PISD: variants seen among roughly 807,000 people sequenced by gnomAD.
The protein encoded by PISD is phosphatidylserine decarboxylase.
PISD carries 31 observed loss-of-function variants against 43.5 expected under a neutral mutation model. The observed-to-expected ratio is 0.71, with a 90% CI of 0.54 to 0.96. The LOEUF is 0.96. Ranked by LOEUF, PISD falls within the 40% of genes least tolerant of loss-of-function variation. The pLI is 0.00. For missense variants in PISD, 523 were observed against 548.4 expected, an observed-to-expected ratio of 0.95 and a Z score of 0.46; for synonymous variants, 259 against 228.7, an observed-to-expected ratio of 1.13 and a Z score of -1.20.
In PISD at chr22:31,618,553, T is replaced by C; in HGVS notation, c.*1059A>G. 1 of 892,584 alleles carries C rather than the reference T, an allele frequency of 1.1e-6. No homozygotes were observed. Among genetic ancestry groups the C allele is most frequent in the Non-Finnish European group, 1.6e-6 (1 of 637,080 alleles). The allele number at this position is 892,584 out of a possible 1,614,324, so 55.3% of individuals were successfully genotyped here. On this transcript the variant is annotated 3_prime_UTR_variant, in exon 8 of 8. Transcript: ENST00000439502. Reference sequence around the variant, plus strand: ...AATTAAATGAATTACTGTTCAGAAGTCTCCCACTTTTCATACAAAAATACT... The same window carrying C: ...AATTAAATGAATTACTGTTCAGAAGCCTCCCACTTTTCATACAAAAATACT...
chr22:31,625,059 A>C (rs2072825779), intron 3 of PISD, among the ~76,000 whole-genome samples: 2 of 152,210 alleles, frequency 1.3e-5, no homozygotes, highest in African/African-American at 4.8e-5. Flanking sequence ...GCATTTAGCT[A>C]ATCTACGGCT....
In PISD at chr22:31,630,642, C is replaced by A. The variant is rs1603402347; in HGVS notation, c.322-8757G>T. Reference sequence around the variant, plus strand: ...ACCTTGTCCGCGGGGCTCCTCAGGCCGGGGCCGCGTCGTCACAGCTGGGAG... The same window carrying A: ...ACCTTGTCCGCGGGGCTCCTCAGGCAGGGGCCGCGTCGTCACAGCTGGGAG... On this transcript the variant is annotated intron_variant, in intron 3 of 7. Transcript: ENST00000439502. This position sits in a 1 kb window ranked among gnomAD's most constrained non-coding sequence, Gnocchi z 4.4. 4 of 834,620 alleles carry A rather than the reference C, an allele frequency of 4.8e-6. No individual in the cohort carries two copies. The highest frequency in any genetic ancestry group is 5.8e-6 in the Non-Finnish European group (4 of 692,158). The allele number at this position is 834,620 out of a possible 1,614,324, so 51.7% of individuals were successfully genotyped here.
Position 31,619,419 on chromosome 22 carries a change from A to AC in PISD, c.*192_*193insG. On this transcript the variant is annotated 3_prime_UTR_variant, in exon 8 of 8. Transcript: ENST00000439502. ...GGAACGGGATAGGTTGAGGGGCATG[A>AC]TGGGGGCTCTCGCCACCTCTTGTCT... is the stretch of plus-strand genomic sequence containing the variant. 1.5e-6 allele frequency: 1 copy of AC among 680,550 alleles called. No individual in the cohort carries two copies. The highest frequency in any genetic ancestry group is 2.0e-5 in the Admixed American group (1 of 49,196). 42.2% of individuals were successfully genotyped at this position (680,550 alleles called of 1,614,324 possible).
intron 3 of PISD, chr22:31,638,512 CAG>C (rs1480938827): frequency 1.0e-6 from 1 of 985,406 alleles, no homozygotes; most frequent in Non-Finnish European, 1.2e-6. Context: ...AGAAGACCGG[CAG>C]AGAGGAAATG....
Position 31,629,370 on chromosome 22 carries a change from G to A in PISD, c.322-7485C>T, listed in dbSNP as rs1030993986. The A allele has an allele frequency of 2.5e-5, 5 of 202,464 alleles. No homozygotes were observed. The Admixed American group carries it at 2.7e-4, about 11-fold the overall frequency. The allele number at this position is 202,464 out of a possible 1,614,324, so 12.5% of individuals were successfully genotyped here. On this transcript the variant is annotated intron_variant, in intron 3 of 7. Transcript: ENST00000439502. ...GTAGGTGTGAGGGTGTGTGTAGGGG[G>A]TGTGTAGGTGTGAGTGTGTTATGCG...
At chr22:31,656,681 T>TAAATAAATAAATAAACAAAC (rs1384497131) in intron 1 of PISD, among the ~76,000 whole-genome samples, 1 of 150,068 alleles carries the variant, frequency 6.7e-6, no homozygotes, top group African/African-American at 2.5e-5. Flanking sequence ...AATAAATAAA[T>TAAATAAATAAATAAACAAAC]AAACAAAACA....
chr22:31,638,246 G>C (rs1037928753), intron 3 of PISD: 10 of 357,892 alleles, frequency 2.8e-5, no homozygotes, highest in Non-Finnish European at 3.9e-5. Flanking sequence ...CGCTGTGACC[G>C]GGCACAGCTC....
chr22:31,662,249 G>T (rs898530417), upstream of PISD: 61 of 1,584,202 alleles, frequency 3.9e-5, no homozygotes, highest in African/African-American at 5.4e-5. Context: ...CCCTTCACAC[G>T]CTGGGCGCAC....
chr22:31,628,966 C>G, intron 3 of PISD: 1 of 985,318 alleles, frequency 1.0e-6, no homozygotes, highest in Non-Finnish European at 1.2e-6. Context: ...CCCAAACTTG[C>G]GCGGAGTGAC....
chr22:31,621,770 G>A lies in PISD; in HGVS notation c.437C>T (p.Thr146Met), dbSNP rs1206328018. 13 of 1,614,016 alleles carry A rather than the reference G, an allele frequency of 8.1e-6. No homozygotes were observed. The highest frequency in any genetic ancestry group is 2.2e-5 in the East Asian group (1 of 44,896). Residue 146 changes from threonine (T) to methionine (M), a missense_variant, in exon 4 of 8, where the codon ACG (threonine) becomes ATG (methionine). By Grantham distance (81) the Thr-to-Met change is moderately conservative (BLOSUM62 -1). Coordinates refer to ENST00000439502, the MANE Select transcript of PISD (RefSeq NM_001326411.2). ...GGCCTCTTTCATGTTCACCCCAAAC[G>A]TCCAGATGTACAGGCTGTAGACGGG... ...RRPVYSLYIW[T>M]FGVNMKEAAV...
At chr22:31,632,287 C>T in intron 3 of PISD, 1 of 977,886 alleles carries the variant, frequency 1.0e-6, no homozygotes, top group Non-Finnish European at 1.2e-6. Context: ...CATGTTCTTC[C>T]ATACCTACAA....
intron 1 of PISD, among the ~76,000 whole-genome samples, chr22:31,660,523 T>C (rs2074288029): frequency 6.6e-6 from 1 of 151,108 alleles, no homozygotes; most frequent in East Asian, 2.0e-4. Context: ...CTGGGCGGGG[T>C]GGCGTGCACC....
rs778869821 is a variant in PISD at position 31,620,763 on chromosome 22, C to T, written c.845-50G>A. The T allele has an allele frequency of 3.7e-6, 6 of 1,601,124 alleles. No individual in the cohort carries two copies. In the Admixed American group the frequency reaches 6.7e-5, roughly 18 times the overall value. On this transcript the variant is annotated intron_variant, in intron 6 of 7. Transcript: ENST00000439502. ...CTCCCCGTCCAGAGCCCGGTGTGTC[C>T]ACCCCATGGCAGCCAAGACCCAAAG...
At chr22:31,629,114 A>G (rs73160696) in intron 3 of PISD, 19,509 of 985,410 alleles carry the variant, frequency 0.02, 214 homozygotes, top group Non-Finnish European at 0.021. Context: ...CAACCAGGGT[A>G]AAGACCACAA....
chr22:31,634,972 G>C (rs1312162055), intron 3 of PISD, among the ~76,000 whole-genome samples: 1 of 151,824 alleles, frequency 6.6e-6, no homozygotes, highest in Non-Finnish European at 1.5e-5. Context: ...TTCAAGACCA[G>C]CCTGGCCAAC....
chr22:31,659,978 C>A (rs1212851101), intron 1 of PISD, among the ~76,000 whole-genome samples: 3 of 152,116 alleles, frequency 2.0e-5, no homozygotes, highest in Non-Finnish European at 4.4e-5. Flanking sequence ...CCCATTCAGC[C>A]CATTCTTTTA....
At chr22:31,619,949 C>A in intron 7 of PISD, 113 bp from the exon 8 acceptor site, 1 of 706,552 alleles carries the variant, frequency 1.4e-6, no homozygotes, top group Non-Finnish European at 2.4e-6. Flanking sequence ...CACCACCCAA[C>A]CCAGCTCCAA....
intron 3 of PISD, chr22:31,638,819 T>G (rs1229511058): frequency 6.7e-6 from 1 of 149,436 alleles, no homozygotes; most frequent in African/African-American, 2.6e-5. Context: ...TTTTTTTTCT[T>G]TCTTTTTTTT....
In PISD at chr22:31,621,108, G is replaced by A; in HGVS notation, c.732C>T (p.Val244=). The A allele has an allele frequency of 1.9e-6, 3 of 1,614,178 alleles. No homozygotes were observed. Among genetic ancestry groups the A allele is most frequent in the Non-Finnish European group, 2.5e-6 (3 of 1,180,024 alleles). ...ASCDSFKNQL[V]TREGNELYHC... ...GATAGAGCTCATTCCCTTCCCGGGT[G>A]ACCAGCTGGTTCTTGAAGGAGTCAC... The change falls in exon 6 of 8, where the codon GTC becomes GTT. Residue 244 remains valine (V), a synonymous_variant. Transcript: ENST00000439502.
Sources: allele counts gnomAD v4.1 joint callset (sites outside exome capture counted in the v4.1 genomes callset), GRCh38; gene constraint gnomAD v4.1.1; non-coding constraint Gnocchi (gnomAD v3.1); transcripts MANE v1.5; gene names NCBI Gene and HGNC (gene_info 2026-07-23, HGNC 2026-07-21).